The following SGCD variants were observed in gnomAD, a reference collection of about 807,000 sequenced individuals.
The protein encoded by SGCD is sarcoglycan delta.
A neutral mutation model predicts 36.6 loss-of-function variants in SGCD; 18 were observed. That is an observed-to-expected ratio of 0.49 (90% CI 0.34 to 0.73). The LOEUF is 0.73. SGCD is among the 30% of genes least tolerant of loss of function. The probability of loss-of-function intolerance (pLI) is 0.01; values close to 1 mark genes in which losing one functional copy is unlikely to be tolerated. For missense variants in SGCD, 387 were observed against 346.7 expected (o/e 1.12, Z -0.92); for synonymous variants, 133 against 130.6 (o/e 1.02, Z -0.12).
the SGCD span, among the ~76,000 whole-genome samples, chr5:155,814,185 G>A: frequency 6.6e-6 from 1 of 152,162 alleles, no homozygotes; most frequent in Non-Finnish European, 1.5e-5. Flanking sequence ...CACATTAGGT[G>A]TGCCACCCAC....
rs116639315 is a variant in SGCD at position 156,701,692 on chromosome 5, C to T, written c.575+54156C>T. Among the ~76,000 whole-genome samples, 614 of 152,260 alleles carry T rather than the reference C, an allele frequency of 4.0e-3. 7 individuals carry two copies. The highest frequency in any genetic ancestry group is 0.014 in the African/African-American group (579 of 41,536). On this transcript the variant is annotated intron_variant, in intron 7 of 8. Coordinates refer to ENST00000337851, the MANE Select transcript of SGCD (RefSeq NM_000337.6). ...CTCTGAAGAGATTTAACAAGAGACT[C>T]ACCTAGATTTTCATTTTACAAGGGT...
At chr5:156,742,503 C>T (rs1019316936) in intron 7 of SGCD, among the ~76,000 whole-genome samples, 2 of 152,034 alleles carry the variant, frequency 1.3e-5, no homozygotes, top group South Asian at 4.1e-4. Context: ...AAATCACCAT[C>T]TTCTTCCACC....
chr5:155,920,732 T>C (rs1293689967), intron 1 of SGCD, among the ~76,000 whole-genome samples: 1 of 152,096 alleles, frequency 6.6e-6, no homozygotes, highest in African/African-American at 2.4e-5. Flanking sequence ...GGGGGCGGCA[T>C]ACTCTTGGAT....
At chr5:156,138,840 A>G (rs77016117) in intron 3 of SGCD, among the ~76,000 whole-genome samples, 1 of 152,208 alleles carries the variant, frequency 6.6e-6, no homozygotes, top group Admixed American at 6.5e-5. Flanking sequence ...TTTTCTTGTC[A>G]ATACTTGGTA....
chr5:156,467,435 A>C (rs1234547921), intron 3 of SGCD, among the ~76,000 whole-genome samples: 1 of 152,218 alleles, frequency 6.6e-6, no homozygotes, highest in Non-Finnish European at 1.5e-5. Context: ...GAAAGCAAGC[A>C]TAAGATAATA....
chr5:155,992,252 T>A (rs916063138), intron 1 of SGCD, among the ~76,000 whole-genome samples: 1 of 152,184 alleles, frequency 6.6e-6, no homozygotes, highest in Admixed American at 6.5e-5. Flanking sequence ...CTGTGCACAC[T>A]CTAGAGAATT....
intron 4 of SGCD, among the ~76,000 whole-genome samples, chr5:156,572,380 T>C (rs1482878864): frequency 6.6e-6 from 1 of 152,208 alleles, no homozygotes; most frequent in African/African-American, 2.4e-5. Context: ...GTATGAGGGT[T>C]CCAGTTTCTC....
At chr5:155,996,660 T>C (rs1214258146) in intron 1 of SGCD, among the ~76,000 whole-genome samples, 1 of 151,558 alleles carries the variant, frequency 6.6e-6, no homozygotes, top group Non-Finnish European at 1.5e-5. Context: ...TAGTCTGTGA[T>C]CTCAGCTACT....
intron 4 of SGCD, among the ~76,000 whole-genome samples, chr5:156,513,034 G>A (rs1757010395): frequency 2.0e-5 from 3 of 152,042 alleles, no homozygotes; most frequent in South Asian, 2.1e-4. Context: ...TAACATCAAA[G>A]CACAGAGAAC....
chr5:156,473,957 T>A (rs1755076096), intron 3 of SGCD, among the ~76,000 whole-genome samples: 1 of 149,984 alleles, frequency 6.7e-6, no homozygotes, highest in Non-Finnish European at 1.5e-5. Flanking sequence ...TAGCTGTTTT[T>A]TTGTGTGTGG....
chr5:156,380,313 A>T (rs1770911400), intron 3 of SGCD, among the ~76,000 whole-genome samples: 1 of 152,118 alleles, frequency 6.6e-6, no homozygotes, highest in Non-Finnish European at 1.5e-5. Context: ...ACTTAACCAA[A>T]TCTCAGAGAA....
At chr5:155,789,000 C>G in the SGCD span, among the ~76,000 whole-genome samples, 1 of 152,020 alleles carries the variant, frequency 6.6e-6, no homozygotes, top group East Asian at 1.9e-4. Flanking sequence ...AGATCATAGA[C>G]TATAAAGGGA....
chr5:156,308,773 T>C (rs1767308213), intron 3 of SGCD, among the ~76,000 whole-genome samples: 2 of 152,324 alleles, frequency 1.3e-5, no homozygotes, highest in African/African-American at 4.8e-5. Context: ...CTGAACCATA[T>C]TGTAGGCCTT....
rs143312604 is a variant in SGCD, at chr5:155,945,254, T to G, written c.-282+74830T>G. Among the ~76,000 whole-genome samples, 569 of 152,222 alleles carry G rather than the reference T, an allele frequency of 3.7e-3. 4 individuals are homozygous for G. Among genetic ancestry groups the G allele is most frequent in the African/African-American group, 0.013 (550 of 41,542 alleles). On this transcript the variant is annotated intron_variant, in intron 1 of 9. Transcript: ENST00000517913. ...CTTGGAGTAGACATTCAGTAAATAT[T>G]TGTAGAAGGGATGGAAGGAGAGAAG...
chr5:156,757,561 C>G lies in SGCD; in HGVS notation c.576-20C>G, dbSNP rs764323398. ...AAAAAGAAAAAGGGATCTTTATTGA[C>G]GATCTTGGGTGTTTTTCAGGTTGGA... is the stretch of plus-strand genomic sequence containing the variant. On this transcript the variant is annotated intron_variant, in intron 7 of 8. Transcript: ENST00000337851. 2 of 1,467,600 alleles carry G rather than the reference C, an allele frequency of 1.4e-6. No homozygotes were observed. The highest frequency in any genetic ancestry group is 1.8e-5 in the Admixed American group (1 of 54,516). 90.9% of individuals were successfully genotyped at this position (1,467,600 alleles called of 1,614,324 possible).
At chr5:156,235,464 C>T (rs1275392246) in intron 3 of SGCD, among the ~76,000 whole-genome samples, 1 of 152,174 alleles carries the variant, frequency 6.6e-6, no homozygotes, top group Non-Finnish European at 1.5e-5. Flanking sequence ...AAGGAAATGG[C>T]ACCAGAGAAA....
intron 1 of SGCD, among the ~76,000 whole-genome samples, chr5:156,113,584 T>C (rs1339333367): frequency 1.3e-5 from 2 of 152,206 alleles, no homozygotes; most frequent in African/African-American, 4.8e-5. Flanking sequence ...TTACAGCTGC[T>C]GTAGAAGACA....
the SGCD span, among the ~76,000 whole-genome samples, chr5:155,750,628 C>T: frequency 1.3e-5 from 2 of 152,264 alleles, no homozygotes; most frequent in South Asian, 4.1e-4. Flanking sequence ...ATGAGAATTT[C>T]TAAAACATGC....
chr5:155,900,120 A>G (rs1308309023), intron 1 of SGCD, among the ~76,000 whole-genome samples: 1 of 152,204 alleles, frequency 6.6e-6, no homozygotes, highest in Non-Finnish European at 1.5e-5. Flanking sequence ...TTTGTATGCC[A>G]TGATAATGAT....
Sources: gnomAD v4.1 joint callset for allele counts (sites outside exome capture counted in the v4.1 genomes callset) on GRCh38, gnomAD v4.1.1 for gene constraint, MANE v1.5 for transcripts, NCBI Gene and HGNC (gene_info 2026-07-23, HGNC 2026-07-21) for gene names.